CADM1: variants seen among roughly 807,000 people sequenced by gnomAD.
CADM1 encodes cell adhesion molecule 1.
A neutral mutation model predicts 53.1 loss-of-function variants in CADM1; 15 were observed. The ratio of observed to expected loss-of-function variants is 0.28; its 90% CI spans 0.19 to 0.44. CADM1 has a LOEUF of 0.44. Among genes scored for constraint, CADM1 ranks in the 20% least tolerant of loss-of-function variants. The pLI, the probability that CADM1 is intolerant of heterozygous loss-of-function variation, is 1.00. For missense variants in CADM1, 434 were observed against 611.3 expected, an observed-to-expected ratio of 0.71 and a Z score of 3.06; for synonymous variants, 281 against 243.0, an observed-to-expected ratio of 1.16 and a Z score of -1.45.
chr11:115,339,295 C>A (rs980713566), intron 1 of CADM1, among the ~76,000 whole-genome samples: 6 of 151,950 alleles, frequency 3.9e-5, no homozygotes, highest in Non-Finnish European at 7.4e-5. Flanking sequence ...ACCCAAAGGA[C>A]TATAAATCAT....
At chr11:115,373,844 C>A (rs1016156774) in intron 1 of CADM1, among the ~76,000 whole-genome samples, 1 of 152,140 alleles carries the variant, frequency 6.6e-6, no homozygotes, top group Non-Finnish European at 1.5e-5. Context: ...GTTTAAGAAT[C>A]TCCAATGCTG....
At chr11:115,487,857 T>C (rs1421828702) in intron 1 of CADM1, among the ~76,000 whole-genome samples, 1 of 152,210 alleles carries the variant, frequency 6.6e-6, no homozygotes, top group Non-Finnish European at 1.5e-5. Context: ...TCATATACTA[T>C]ACATTAAGAC....
At chr11:115,452,678 T>G (rs1040798133) in intron 1 of CADM1, among the ~76,000 whole-genome samples, 1 of 152,116 alleles carries the variant, frequency 6.6e-6, no homozygotes, top group African/African-American at 2.4e-5. Flanking sequence ...GATGGAGAGA[T>G]AAAAATAAGA....
chr11:115,454,783 C>A (rs1355474000), intron 1 of CADM1, among the ~76,000 whole-genome samples: 1 of 152,172 alleles, frequency 6.6e-6, no homozygotes, highest in African/African-American at 2.4e-5. Context: ...GTCAGGCAAA[C>A]AGGATTTGGT....
At chr11:115,225,652 C>T (rs1273630015) in intron 5 of CADM1, among the ~76,000 whole-genome samples, 1 of 152,122 alleles carries the variant, frequency 6.6e-6, no homozygotes, top group Non-Finnish European at 1.5e-5. Context: ...GCAGCTCAAG[C>T]CTTGTCTTCT....
intron 1 of CADM1, among the ~76,000 whole-genome samples, chr11:115,502,327 CTTTTTTTTTTTTTTTTT>C (rs11358670): frequency 1.9e-5 from 1 of 52,348 alleles, no homozygotes; most frequent in Non-Finnish European, 3.3e-5. Context: ...CGCCCCCCGG[CTTTTTTTTTTTTTTTTT>C]TTTTTTTTTT....
chr11:115,368,147 G>C (rs7941157), intron 1 of CADM1, among the ~76,000 whole-genome samples: 1 of 126,742 alleles, frequency 7.9e-6, no homozygotes, highest in Non-Finnish European at 1.6e-5. Context: ...TTTACTTTCC[G>C]GAGGAAATGG....
At chr11:115,275,972 G>C (rs1426779276) in intron 1 of CADM1, among the ~76,000 whole-genome samples, 1 of 152,158 alleles carries the variant, frequency 6.6e-6, no homozygotes, top group Non-Finnish European at 1.5e-5. Flanking sequence ...GTTAACAGAA[G>C]CTTAGTTATT....
At chr11:115,285,776 C>T (rs1189826124) in intron 1 of CADM1, among the ~76,000 whole-genome samples, 1 of 152,094 alleles carries the variant, frequency 6.6e-6, no homozygotes, top group African/African-American at 2.4e-5. Context: ...TCTCGGTGAA[C>T]CCCTCCCTCT....
At chr11:115,426,429 G>A (rs1204535943) in intron 1 of CADM1, among the ~76,000 whole-genome samples, 1 of 152,088 alleles carries the variant, frequency 6.6e-6, no homozygotes, top group Non-Finnish European at 1.5e-5. Flanking sequence ...AGGGGAAGTG[G>A]GGTGCACACT....
In CADM1 at chr11:115,287,033, G is replaced by A. The variant is rs140314107; in HGVS notation, c.125-46613C>T. ...CAATAAAAGAGAAGTAGTTTCTCCC[G>A]ACCCCTTCTCCCAACTATTGCCTGT... On this transcript the variant is annotated intron_variant, in intron 1 of 11. Coordinates refer to ENST00000331581, the MANE Select transcript of CADM1 (RefSeq NM_001301043.2). Among the ~76,000 whole-genome samples, 24 of 152,208 alleles carry A rather than the reference G, an allele frequency of 1.6e-4. No homozygotes were observed. In the East Asian group the frequency reaches 1.7e-3, roughly 11 times the overall value.
intron 10 of CADM1, among the ~76,000 whole-genome samples, chr11:115,186,892 G>A (rs189719046): frequency 3.9e-5 from 6 of 152,282 alleles, no homozygotes; most frequent in Admixed American, 1.3e-4. Flanking sequence ...AGGGTGTCGC[G>A]GTAGGAGAGC....
intron 1 of CADM1, among the ~76,000 whole-genome samples, chr11:115,415,530 T>A (rs897207918): frequency 6.6e-6 from 1 of 151,952 alleles, no homozygotes; most frequent in African/African-American, 2.4e-5. Flanking sequence ...AAGGAACGAT[T>A]AAAATTTTTA....
Position 115,174,722 on chromosome 11 carries a change from A to C in CADM1, c.*1752T>G. On this transcript the variant is annotated 3_prime_UTR_variant, in exon 12 of 12. Coordinates refer to ENST00000331581, the MANE Select transcript of CADM1 (RefSeq NM_001301043.2). ...CACCTTGCAAAATCCAAAATTACTC[A>C]CTGAAAATGTAATAGAATATATATT... 3.3e-6 allele frequency: 3 copies of C among 908,828 alleles called. No individual in the cohort carries two copies. Among genetic ancestry groups the C allele is most frequent in the Non-Finnish European group, 3.9e-6 (3 of 759,880 alleles). The allele number at this position is 908,828 out of a possible 1,614,324, so 56.3% of individuals were successfully genotyped here.
intron 1 of CADM1, chr11:115,397,057 T>C (rs932666291): frequency 6.6e-6 from 1 of 152,072 alleles, no homozygotes; most frequent in Admixed American, 6.6e-5. Context: ...TGTTCAATAA[T>C]TAGCAGCTAC....
At chr11:115,209,157 A>G (rs1202331607) in intron 8 of CADM1, among the ~76,000 whole-genome samples, 2 of 152,208 alleles carry the variant, frequency 1.3e-5, no homozygotes, top group Non-Finnish European at 1.5e-5. Context: ...AAATAGGCAC[A>G]TTGAAGTTAG....
chr11:115,493,323 T>C (rs1949541998), intron 1 of CADM1, among the ~76,000 whole-genome samples: 1 of 151,158 alleles, frequency 6.6e-6, no homozygotes, highest in Admixed American at 6.6e-5. Context: ...AGGCAAGCTC[T>C]TCTTTATTCA....
At chr11:115,380,827 T>C (rs1018439548) in intron 1 of CADM1, among the ~76,000 whole-genome samples, 8 of 152,206 alleles carry the variant, frequency 5.3e-5, no homozygotes, top group Non-Finnish European at 1.0e-4. Context: ...CTCTGAAGTA[T>C]AACATGATTT....
At chr11:115,216,593 C>T (rs1414146174) in intron 6 of CADM1, among the ~76,000 whole-genome samples, 1 of 152,182 alleles carries the variant, frequency 6.6e-6, no homozygotes, top group Non-Finnish European at 1.5e-5. Context: ...AAAAAGATCA[C>T]TCTGCTGAAG....
Sources: allele counts gnomAD v4.1 joint callset (sites outside exome capture counted in the v4.1 genomes callset), GRCh38; gene constraint gnomAD v4.1.1; transcripts MANE v1.5; gene names NCBI Gene and HGNC (gene_info 2026-07-23, HGNC 2026-07-21).